The following TRAPPC9 variants were observed in gnomAD, a reference collection of about 807,000 sequenced individuals.
TRAPPC9 encodes IKK2 binding protein.
Under a neutral mutation model 124.0 loss-of-function variants are expected in TRAPPC9, and 83 were observed. The ratio of observed to expected loss-of-function variants is 0.67; its 90% CI spans 0.56 to 0.80. The LOEUF is 0.80. Ranked by LOEUF, TRAPPC9 falls within the 30% of genes least tolerant of loss-of-function variation. The pLI, the probability that TRAPPC9 is intolerant of heterozygous loss-of-function variation, is 0.00. For missense variants in TRAPPC9, 1,302 were observed against 1,508.3 expected, an observed-to-expected ratio of 0.86 and a Z score of 2.27; for synonymous variants, 638 against 617.5, an observed-to-expected ratio of 1.03 and a Z score of -0.49.
In TRAPPC9 at chr8:140,350,992, C is replaced by T. The variant is rs116964384; in HGVS notation, c.1495+9058G>A. On this transcript the variant is annotated intron_variant, in intron 9 of 22. Transcript: ENST00000438773. Reference sequence around the variant, plus strand: ...GGGCAGGAGGCTCCAGAGGAGATGACGGCAAATTAAACAGAACGAAGGCAG... The same window carrying T: ...GGGCAGGAGGCTCCAGAGGAGATGATGGCAAATTAAACAGAACGAAGGCAG... Among the ~76,000 whole-genome samples the T allele has an allele frequency of 3.1e-4, 47 of 151,840 alleles. No individual in the cohort carries two copies. The East Asian group carries it at 9.2e-3, about 30-fold the overall frequency.
intron 21 of TRAPPC9, among the ~76,000 whole-genome samples, chr8:139,826,343 G>A (rs575575332): frequency 1.1e-4 from 17 of 152,342 alleles, no homozygotes; most frequent in African/African-American, 4.1e-4. Flanking sequence ...GTGAGAGACA[G>A]TGTGGGCCAG....
intron 21 of TRAPPC9, among the ~76,000 whole-genome samples, chr8:139,866,456 A>G (rs1272777464): frequency 6.6e-6 from 1 of 152,128 alleles, no homozygotes; most frequent in Non-Finnish European, 1.5e-5. Flanking sequence ...TGGGTGCCAG[A>G]GCAGGAGTGA....
At chr8:139,846,806 T>TAG (rs1827114919) in intron 21 of TRAPPC9, among the ~76,000 whole-genome samples, 2 of 152,334 alleles carry the variant, frequency 1.3e-5, no homozygotes, top group South Asian at 2.1e-4. Flanking sequence ...CCCACCATGC[T>TAG]GTCTGTGGAG....
chr8:140,297,313 CACAT>C (rs1243714391), intron 11 of TRAPPC9, among the ~76,000 whole-genome samples: 2 of 152,080 alleles, frequency 1.3e-5, no homozygotes, highest in South Asian at 2.1e-4. Context: ...TACACACACA[CACAT>C]GCATGCACAC....
At chr8:140,016,850 T>C (rs1184077594) in intron 18 of TRAPPC9, among the ~76,000 whole-genome samples, 1 of 152,176 alleles carries the variant, frequency 6.6e-6, no homozygotes, top group Non-Finnish European at 1.5e-5. Flanking sequence ...ATGTTTTAAT[T>C]CATGAGGAAC....
At chr8:139,770,591 A>C (rs996863005) in intron 21 of TRAPPC9, among the ~76,000 whole-genome samples, 3 of 152,226 alleles carry the variant, frequency 2.0e-5, no homozygotes, top group African/African-American at 7.2e-5. Flanking sequence ...GAGAGCTCCC[A>C]GTGGACAGCT....
chr8:140,185,506 C>A (rs937831650), intron 17 of TRAPPC9, among the ~76,000 whole-genome samples: 7 of 152,340 alleles, frequency 4.6e-5, no homozygotes, highest in African/African-American at 1.2e-4. Flanking sequence ...ACCGAGTCCA[C>A]CTTGCTGTTC....
At chr8:140,185,844 T>C (rs2131044661) in intron 17 of TRAPPC9, among the ~76,000 whole-genome samples, 1 of 152,308 alleles carries the variant, frequency 6.6e-6, no homozygotes. Flanking sequence ...AGTGCTTAAG[T>C]AGCTTTATAG....
chr8:139,853,063 C>T (rs777627227), intron 21 of TRAPPC9, among the ~76,000 whole-genome samples: 45 of 152,186 alleles, frequency 3.0e-4, no homozygotes, highest in Non-Finnish European at 1.5e-4. Context: ...AGAAGTGTTC[C>T]GTGGTGACGC....
intron 18 of TRAPPC9, among the ~76,000 whole-genome samples, chr8:140,017,859 T>A (rs1839566835): frequency 6.6e-6 from 1 of 152,232 alleles, no homozygotes; most frequent in Non-Finnish European, 1.5e-5. Flanking sequence ...TACTTTTTTT[T>A]TTGATACAGA....
intron 21 of TRAPPC9, among the ~76,000 whole-genome samples, chr8:139,783,607 CA>C (rs1821983846): frequency 6.6e-6 from 1 of 152,194 alleles, no homozygotes; most frequent in African/African-American, 2.4e-5. Flanking sequence ...AAGAAAGACA[CA>C]AACTCTTCCA....
At chr8:140,144,441 C>A (rs1264512295) in intron 17 of TRAPPC9, among the ~76,000 whole-genome samples, 2 of 151,332 alleles carry the variant, frequency 1.3e-5, no homozygotes, top group African/African-American at 4.9e-5. Context: ...GTACTGTTGG[C>A]TAATGAATGA....
intron 9 of TRAPPC9, among the ~76,000 whole-genome samples, chr8:140,350,088 G>A (rs2067507291): frequency 1.3e-5 from 2 of 152,240 alleles, no homozygotes. Context: ...TGAGGGAACA[G>A]TGGGATCTGC....
chr8:139,962,714 G>C (rs1306118917), intron 19 of TRAPPC9, among the ~76,000 whole-genome samples: 1 of 124,268 alleles, frequency 8.0e-6, no homozygotes, highest in African/African-American at 2.6e-5. Context: ...GACCCAAAGA[G>C]CTTCTGCAAG....
intron 14 of TRAPPC9, among the ~76,000 whole-genome samples, chr8:140,280,948 G>A (rs2065296221): frequency 6.6e-6 from 1 of 152,196 alleles, no homozygotes; most frequent in Non-Finnish European, 1.5e-5. Flanking sequence ...CTCTGAGGCT[G>A]GTCTGCACTG....
chr8:139,913,798 G>C (rs1005032630), intron 19 of TRAPPC9: 5 of 152,320 alleles, frequency 3.3e-5, no homozygotes, highest in African/African-American at 1.2e-4. Context: ...CAAGAGCCAA[G>C]GATGAATTCC....
intron 7 of TRAPPC9, among the ~76,000 whole-genome samples, chr8:140,375,666 TC>T (rs1208059015): frequency 6.6e-6 from 1 of 152,196 alleles, no homozygotes; most frequent in Non-Finnish European, 1.5e-5. Context: ...AGCCTAAAAC[TC>T]TCAGTGAGTG....
At chr8:139,904,212 A>G (rs552727573) in intron 20 of TRAPPC9, among the ~76,000 whole-genome samples, 56 of 152,310 alleles carry the variant, frequency 3.7e-4, no homozygotes, top group African/African-American at 1.2e-3. Flanking sequence ...TGACCTCAAG[A>G]CGGCACAATC....
At chr8:139,779,188 G>T (rs1213951411) in intron 21 of TRAPPC9, among the ~76,000 whole-genome samples, 1 of 152,080 alleles carries the variant, frequency 6.6e-6, no homozygotes. Flanking sequence ...GAAGTGACAG[G>T]GGACAACATC....
Sources: allele counts gnomAD v4.1 joint callset (sites outside exome capture counted in the v4.1 genomes callset), GRCh38; gene constraint gnomAD v4.1.1; transcripts MANE v1.5; gene names NCBI Gene and HGNC (gene_info 2026-07-23, HGNC 2026-07-21).